Variants in LGR5 observed in about 807,000 individuals in gnomAD.
LGR5 encodes the protein leucine-rich repeat-containing G protein-coupled receptor 5.
Under a neutral mutation model 76.7 loss-of-function variants are expected in LGR5, and 54 were observed. That is an observed-to-expected ratio of 0.70 (90% CI 0.57 to 0.88). LGR5 has a LOEUF of 0.88. Ranked by LOEUF, LGR5 falls within the 40% of genes least tolerant of loss-of-function variation. LGR5 has a pLI of 0.00. For synonymous variants in LGR5, 406 were observed against 421.9 expected (o/e 0.96, Z 0.46); for missense variants, 1,078 against 1,073.3 (o/e 1.00, Z -0.06).
At chr12:71,464,779 A>G (rs1872799691) in intron 1 of LGR5, among the ~76,000 whole-genome samples, 1 of 152,230 alleles carries the variant, frequency 6.6e-6, no homozygotes, top group Admixed American at 6.5e-5. Context: ...GTCTTTGAAC[A>G]TTCAAAGTTG....
intron 2 of LGR5, among the ~76,000 whole-genome samples, chr12:71,518,917 A>G (rs1209974681): frequency 6.6e-6 from 1 of 152,190 alleles, no homozygotes; most frequent in Non-Finnish European, 1.5e-5. Flanking sequence ...AATAATCTGT[A>G]CAACAAACCC....
chr12:71,535,944 CTTGTA>C (rs1179665773), intron 4 of LGR5, among the ~76,000 whole-genome samples: 6 of 152,284 alleles, frequency 3.9e-5, no homozygotes, highest in Admixed American at 1.3e-4. Context: ...TGTTTTGGAA[CTTGTA>C]TTGTAAGCAG....
intron 1 of LGR5, among the ~76,000 whole-genome samples, chr12:71,475,151 G>A (rs187168112): frequency 2.2e-4 from 34 of 152,184 alleles, no homozygotes; most frequent in Middle Eastern, 3.4e-3. Flanking sequence ...ATGAAAGAAC[G>A]TGTGAAGAAT....
chr12:71,443,387 C>T (rs1871849886), intron 1 of LGR5, among the ~76,000 whole-genome samples: 1 of 152,122 alleles, frequency 6.6e-6, no homozygotes, highest in Non-Finnish European at 1.5e-5. Flanking sequence ...TTAACTGGAC[C>T]AATAAACCGA....
intron 4 of LGR5, among the ~76,000 whole-genome samples, chr12:71,541,911 C>G (rs1001883111): frequency 1.3e-5 from 2 of 152,298 alleles, no homozygotes; most frequent in Middle Eastern, 3.4e-3. Flanking sequence ...AGAGAATCCT[C>G]TGCAGAAAAT....
At chr12:71,570,510 T>C (rs2137452666) in intron 11 of LGR5, among the ~76,000 whole-genome samples, 1 of 152,248 alleles carries the variant, frequency 6.6e-6, no homozygotes, top group South Asian at 2.1e-4. Context: ...TGTGTCCATT[T>C]TATTATATTC....
intron 1 of LGR5, chr12:71,441,675 A>G (rs1221765764): frequency 6.6e-6 from 1 of 152,200 alleles, no homozygotes; most frequent in Non-Finnish European, 1.5e-5. Flanking sequence ...AGATTTTAGG[A>G]TTGGTAGATG....
At chr12:71,456,277 A>G (rs1456376001) in intron 1 of LGR5, among the ~76,000 whole-genome samples, 1 of 152,172 alleles carries the variant, frequency 6.6e-6, no homozygotes, top group African/African-American at 2.4e-5. Flanking sequence ...CTTTTGATCA[A>G]AGGGTCTTAA....
intron 2 of LGR5, among the ~76,000 whole-genome samples, chr12:71,513,024 T>A (rs959342684): frequency 6.6e-6 from 1 of 152,222 alleles, no homozygotes; most frequent in Non-Finnish European, 1.5e-5. Flanking sequence ...TGGAGCTGCT[T>A]ATTAAAAATG....
intron 1 of LGR5, among the ~76,000 whole-genome samples, chr12:71,472,508 C>A (rs1378603372): frequency 1.3e-5 from 2 of 152,216 alleles, no homozygotes; most frequent in Admixed American, 1.3e-4. Flanking sequence ...AGGGAAATCA[C>A]TCCAAGGGAG....
chr12:71,509,000 C>T (rs1265853937), intron 2 of LGR5, among the ~76,000 whole-genome samples: 1 of 151,938 alleles, frequency 6.6e-6, no homozygotes, highest in Non-Finnish European at 1.5e-5. Flanking sequence ...TATGCAGAGG[C>T]CAATTGTCCT....
chr12:71,558,365 A>T (rs1877882940), intron 6 of LGR5, among the ~76,000 whole-genome samples: 1 of 152,154 alleles, frequency 6.6e-6, no homozygotes. Context: ...ATAGAGCAAA[A>T]CATGTCAGGG....
chr12:71,452,616 CA>C (rs990560062), intron 1 of LGR5, among the ~76,000 whole-genome samples: 31 of 152,292 alleles, frequency 2.0e-4, no homozygotes, highest in African/African-American at 7.5e-4. Context: ...GAAAAAAATT[CA>C]AAAAGTGCTG....
In LGR5 at chr12:71,572,900, A is replaced by G; in HGVS notation, c.1187A>G (p.Gln396Arg). The change falls in exon 13 of 18, where the codon CAG becomes CGG. Residue 396 changes from glutamine to arginine, a missense_variant. Physicochemically the swap from Gln to Arg is conservative, Grantham distance 43. Coordinates refer to ENST00000266674, the MANE Select transcript of LGR5 (RefSeq NM_003667.4). The part of the protein sequence containing the change: ...IYEIKVDTFQ[Q>R]LLSLRSLNLA... The stretch of plus-strand genomic sequence containing the variant: ...GAAATTAAAGTTGACACTTTCCAGC[A>G]GTTGCTTAGCCTCCGATCGCTGTGA... 13 of 1,613,850 alleles carry G rather than the reference A, an allele frequency of 8.1e-6. No homozygotes were observed. Among genetic ancestry groups the G allele is most frequent in the Non-Finnish European group, 1.1e-5 (13 of 1,179,758 alleles).
intron 1 of LGR5, among the ~76,000 whole-genome samples, chr12:71,488,013 C>A (rs1044371512): frequency 6.6e-6 from 1 of 152,110 alleles, no homozygotes; most frequent in Non-Finnish European, 1.5e-5. Flanking sequence ...TTTTAGAAAG[C>A]CAGTTTCCTG....
chr12:71,495,752 T>A (rs1352114529), intron 1 of LGR5, among the ~76,000 whole-genome samples: 1 of 151,278 alleles, frequency 6.6e-6, no homozygotes, highest in Non-Finnish European at 1.5e-5. Flanking sequence ...CACTTTTAAC[T>A]ATTAGACTAT....
chr12:71,576,846 G>C (rs947739731), intron 13 of LGR5, among the ~76,000 whole-genome samples: 1 of 152,092 alleles, frequency 6.6e-6, no homozygotes, highest in Admixed American at 6.6e-5. Context: ...TCAGTGACAC[G>C]TATTTCTTGA....
At chr12:71,507,184 C>T (rs188402957) in intron 2 of LGR5, among the ~76,000 whole-genome samples, 5 of 152,120 alleles carry the variant, frequency 3.3e-5, no homozygotes, top group Admixed American at 6.5e-5. Context: ...AGGAACTTAC[C>T]CAACATAATG....
intron 8 of LGR5, among the ~76,000 whole-genome samples, chr12:71,563,849 AGTGTGT>A (rs147621030): frequency 4.1e-5 from 6 of 146,410 alleles, no homozygotes; most frequent in Admixed American, 1.4e-4. Flanking sequence ...ATACCTGCCC[AGTGTGT>A]GTGTGTGTGT....
Sources: allele counts gnomAD v4.1 joint callset (sites outside exome capture counted in the v4.1 genomes callset), GRCh38; gene constraint gnomAD v4.1.1; transcripts MANE v1.5; gene names NCBI Gene and HGNC (gene_info 2026-07-23, HGNC 2026-07-21).